DLG2: variants seen among roughly 807,000 people sequenced by gnomAD.
DLG2 encodes discs large MAGUK scaffold protein 2.
In DLG2, 45 loss-of-function variants were observed where a neutral mutation model predicts 132.5. That is an observed-to-expected ratio of 0.34 (90% CI 0.27 to 0.44). The LOEUF (loss-of-function observed/expected upper bound fraction) is 0.44, where lower values mean the gene tolerates loss of function less well. Ranked by LOEUF, DLG2 falls within the 20% of genes least tolerant of loss-of-function variation. The pLI is 1.00. For synonymous variants in DLG2, 424 were observed against 419.6 expected (o/e 1.01, Z -0.13); for missense variants, 1,045 against 1,196.9 (o/e 0.87, Z 1.87).
intron 3 of DLG2, among the ~76,000 whole-genome samples, chr11:85,354,920 AT>A (rs1322979067): frequency 1.3e-5 from 2 of 152,120 alleles, no homozygotes; most frequent in African/African-American, 4.8e-5. Flanking sequence ...CGTTTCATAA[AT>A]TAAAAAAAAA....
At chr11:83,873,621 G>A (rs2063918555) in intron 16 of DLG2, among the ~76,000 whole-genome samples, 1 of 152,184 alleles carries the variant, frequency 6.6e-6, no homozygotes, top group Non-Finnish European at 1.5e-5. Flanking sequence ...GCTCAGGTAT[G>A]TCTTTATCAG....
intron 7 of DLG2, among the ~76,000 whole-genome samples, chr11:84,311,028 A>T (rs2098281353): frequency 6.6e-6 from 1 of 152,186 alleles, no homozygotes. Context: ...ATGCTACTTC[A>T]TCAACACAAT....
At chr11:83,840,235 C>T (rs909044435) in intron 16 of DLG2, among the ~76,000 whole-genome samples, 7 of 152,174 alleles carry the variant, frequency 4.6e-5, no homozygotes, top group African/African-American at 9.7e-5. Flanking sequence ...TACAGTGTGT[C>T]ATAATTGCTC....
At chr11:85,219,802 T>C (rs1041010324) in intron 4 of DLG2, among the ~76,000 whole-genome samples, 2 of 151,100 alleles carry the variant, frequency 1.3e-5, no homozygotes, top group African/African-American at 2.4e-5. Context: ...TGGGTGGTCA[T>C]GCACTTCAGG....
chr11:84,584,861 TG>T (rs1193510284), intron 6 of DLG2, among the ~76,000 whole-genome samples: 8 of 151,462 alleles, frequency 5.3e-5, no homozygotes, highest in Admixed American at 5.3e-4. Context: ...GCTAATTTTT[TG>T]TATTTTTAGT....
At chr11:85,285,400 A>G in intron 3 of DLG2, 35 bp from the exon 4 acceptor site, 1 of 1,596,106 alleles carries the variant, frequency 6.3e-7, no homozygotes, top group East Asian at 2.2e-5. Flanking sequence ...ATCAAAATGT[A>G]ATGCATGACT....
intron 6 of DLG2, among the ~76,000 whole-genome samples, chr11:84,732,642 T>A (rs1383620774): frequency 6.6e-6 from 1 of 151,602 alleles, no homozygotes; most frequent in Non-Finnish European, 1.5e-5. Context: ...TATGTATATA[T>A]ATAAATATAT....
chr11:84,989,024 T>TA (rs1277832135), intron 6 of DLG2, among the ~76,000 whole-genome samples: 1 of 151,542 alleles, frequency 6.6e-6, no homozygotes, highest in Admixed American at 6.6e-5. Flanking sequence ...AAGATAAACA[T>TA]AAAAAAAATT....
intron 3 of DLG2, among the ~76,000 whole-genome samples, chr11:85,514,355 G>T (rs1338292008): frequency 6.6e-6 from 1 of 152,018 alleles, no homozygotes; most frequent in Non-Finnish European, 1.5e-5. Flanking sequence ...AAGAGTCAGA[G>T]AATATGCCAA....
At chr11:83,767,698 T>C (rs1173793646) in intron 18 of DLG2, among the ~76,000 whole-genome samples, 1 of 152,208 alleles carries the variant, frequency 6.6e-6, no homozygotes, top group East Asian at 1.9e-4. Context: ...CATTAATTAA[T>C]ACATGGAATA....
In DLG2 at chr11:83,999,280, A is replaced by G. The variant is rs1039840045; in HGVS notation, c.920-18638T>C. 1.1e-4 allele frequency among the ~76,000 whole-genome samples: 17 copies of G among 152,134 alleles called. 1 individual carries two copies. The highest frequency in any genetic ancestry group is 3.1e-4 in the African/African-American group (13 of 41,514). ...CATTGGTAGGTGAAAAAATCCTCCCATGTGCTTGAGATTGGGTCTACCTAG... is the reference window on the plus strand; with the variant it reads ...CATTGGTAGGTGAAAAAATCCTCCCGTGTGCTTGAGATTGGGTCTACCTAG... On this transcript the variant is annotated intron_variant, in intron 11 of 27. Coordinates refer to ENST00000376104, the MANE Select transcript of DLG2 (RefSeq NM_001142699.3).
In DLG2 at chr11:85,448,816, A is replaced by G. The variant is rs576729504; in HGVS notation, c.40+149841T>C. 7.9e-5 allele frequency among the ~76,000 whole-genome samples: 12 copies of G among 152,250 alleles called. No individual in the cohort carries two copies. The South Asian group carries it at 1.7e-3, about 21-fold the overall frequency. On this transcript the variant is annotated intron_variant, in intron 3 of 27. Coordinates refer to ENST00000376104, the MANE Select transcript of DLG2 (RefSeq NM_001142699.3). ...ACATCCACATCTAAAGCATTTACAC[A>G]TAGCCTTGCTCCTTCCTTTCCTTTG...
intron 8 of DLG2, among the ~76,000 whole-genome samples, chr11:84,236,737 C>A (rs1598098453): frequency 6.6e-6 from 1 of 152,300 alleles, no homozygotes; most frequent in African/African-American, 2.4e-5. Flanking sequence ...ACTAACCCAA[C>A]CACCCATTTC....
intron 9 of DLG2, among the ~76,000 whole-genome samples, chr11:84,130,492 G>GTA (rs34898841): frequency 0.059 from 8,421 of 142,892 alleles, 249 homozygotes; most frequent in Middle Eastern, 0.088. Context: ...AAGTGGAAAA[G>GTA]TATATATATA....
intron 8 of DLG2, among the ~76,000 whole-genome samples, chr11:84,228,142 C>A (rs1460538075): frequency 6.6e-6 from 1 of 152,080 alleles, no homozygotes; most frequent in African/African-American, 2.4e-5. Context: ...TTCCCTAATG[C>A]CCTTAACTAT....
intron 17 of DLG2, among the ~76,000 whole-genome samples, chr11:83,823,998 A>G (rs1463553992): frequency 6.6e-6 from 1 of 152,182 alleles, no homozygotes; most frequent in Non-Finnish European, 1.5e-5. Flanking sequence ...TGAAATCAGA[A>G]GCAACAGTAT....
At chr11:84,543,074 T>TA (rs1314860906) in intron 6 of DLG2, among the ~76,000 whole-genome samples, 2 of 151,980 alleles carry the variant, frequency 1.3e-5, no homozygotes, top group East Asian at 3.9e-4. Flanking sequence ...AAAACATGGG[T>TA]AAAAAAGAAA....
At chr11:85,612,189 T>C (rs2081053966) in intron 2 of DLG2, among the ~76,000 whole-genome samples, 1 of 152,244 alleles carries the variant, frequency 6.6e-6, no homozygotes, top group Non-Finnish European at 1.5e-5. Flanking sequence ...AATACCACCT[T>C]GTTGTCAGTG....
intron 4 of DLG2, among the ~76,000 whole-genome samples, chr11:85,252,287 T>G (rs1193114998): frequency 6.6e-6 from 1 of 152,218 alleles, no homozygotes; most frequent in Non-Finnish European, 1.5e-5. Flanking sequence ...GCAGATTTTA[T>G]GGCCCATCAT....
Sources: allele counts gnomAD v4.1 joint callset (sites outside exome capture counted in the v4.1 genomes callset), GRCh38; gene constraint gnomAD v4.1.1; transcripts MANE v1.5; gene names NCBI Gene and HGNC (gene_info 2026-07-23, HGNC 2026-07-21).